Variants in MAP3K19 observed in about 807,000 individuals in gnomAD.
The protein encoded by MAP3K19 is SPS1/STE20-related protein kinase YSK4.
In MAP3K19, 91 loss-of-function variants were observed where a neutral mutation model predicts 114.4. The observed-to-expected ratio is 0.80, with a 90% confidence interval of 0.67 to 0.95. The LOEUF is 0.95. Ranked by LOEUF, MAP3K19 falls within the 40% of genes least tolerant of loss-of-function variation. The pLI is 0.00. For synonymous variants in MAP3K19, 518 were observed against 530.5 expected (o/e 0.98, Z 0.32); for missense variants, 1,471 against 1,573.2 (o/e 0.94, Z 1.10).
intron 11 of MAP3K19, chr2:134,983,190 C>T (rs1333059931): frequency 1.9e-5 from 10 of 532,896 alleles, no homozygotes; most frequent in Non-Finnish European, 1.2e-5. Flanking sequence ...CTCTCTTCAT[C>T]GCCCACCCCC....
chr2:134,981,482 C>G lies in MAP3K19; in HGVS notation c.3259G>C (p.Ala1087Pro). 1 of 1,614,162 alleles carries G rather than the reference C, an allele frequency of 6.2e-7. No homozygotes were observed. ...GTATCCAAAGCCACCTGTTTTACAG[C>G]TATTAGCTGTCCTTGACTAGTGAGA... Reference protein sequence around the residue: ...CGLTSQGQLIAVKQVALDTSN... With the variant: ...CGLTSQGQLIPVKQVALDTSN... Residue 1087 changes from alanine (A) to proline (P), a missense_variant, in exon 12 of 13, where the codon GCT (alanine) becomes CCT (proline). Physicochemically the swap from Ala to Pro is conservative, Grantham distance 27. Transcript: ENST00000392915.
intron 12 of MAP3K19, among the ~76,000 whole-genome samples, chr2:134,977,166 A>G (rs926379137): frequency 6.7e-6 from 1 of 148,742 alleles, no homozygotes; most frequent in African/African-American, 2.5e-5. Flanking sequence ...ATTTCTAGCT[A>G]CCACCGCTCC....
chr2:134,967,380 T>G (rs557986068), intron 12 of MAP3K19, among the ~76,000 whole-genome samples: 14 of 152,222 alleles, frequency 9.2e-5, no homozygotes, highest in East Asian at 1.9e-4. Flanking sequence ...AAAGAGGAAA[T>G]CCTCTTGCAG....
rs1401858537 is a variant in MAP3K19 at position 134,968,478 on chromosome 2, C to T, written c.3921-3562G>A. Among the ~76,000 whole-genome samples the T allele has an allele frequency of 4.1e-5, 6 of 145,760 alleles. No homozygotes were observed. The East Asian group carries it at 1.0e-3, about 25-fold the overall frequency. ...TCACCTCCCGGATGGGGTGGCTGGC[C>T]GGGCGGGGGGCTGACCCCCCACCTC... On this transcript the variant is annotated intron_variant, in intron 12 of 12. Coordinates refer to ENST00000392915, the MANE Select transcript of MAP3K19 (RefSeq NM_025052.5).
At chr2:135,038,319 A>ATATG in intron 2 of MAP3K19, among the ~76,000 whole-genome samples, 1 of 151,948 alleles carries the variant, frequency 6.6e-6, no homozygotes, top group South Asian at 2.1e-4. Flanking sequence ...ATGTATGTAT[A>ATATG]TATGTATGTA....
chr2:134,993,991 C>G (rs1285925689), intron 8 of MAP3K19, among the ~76,000 whole-genome samples: 2 of 152,124 alleles, frequency 1.3e-5, no homozygotes, highest in East Asian at 3.9e-4. Flanking sequence ...GCATGGGCAA[C>G]AGAGCGAGAC....
intron 3 of MAP3K19, among the ~76,000 whole-genome samples, chr2:135,027,401 GAAAGAAAGA>G (rs1338768216): frequency 7.3e-6 from 1 of 136,976 alleles, no homozygotes; most frequent in African/African-American, 2.6e-5. Context: ...AGAAAGAAAA[GAAAGAAAGA>G]AAAGGATGGG....
At chr2:135,034,685 G>A (rs1487980613) in intron 2 of MAP3K19, among the ~76,000 whole-genome samples, 3 of 142,578 alleles carry the variant, frequency 2.1e-5, no homozygotes, top group Non-Finnish European at 4.6e-5. Flanking sequence ...GCGCGCTACA[G>A]GCACTCGGCA....
At chr2:134,997,214 T>C (rs969001098) in intron 8 of MAP3K19, among the ~76,000 whole-genome samples, 3 of 152,246 alleles carry the variant, frequency 2.0e-5, no homozygotes, top group Non-Finnish European at 4.4e-5. Context: ...TTCACCATTA[T>C]GCCAAATGAA....
intron 6 of MAP3K19, among the ~76,000 whole-genome samples, chr2:135,004,332 G>A (rs1009800106): frequency 3.9e-5 from 6 of 152,170 alleles, no homozygotes; most frequent in Admixed American, 3.3e-4. Context: ...CAGGCTTAAT[G>A]GTTTTCATAA....
chr2:135,015,878 C>A lies in MAP3K19; in HGVS notation c.138+5837G>T, dbSNP rs1377004660. Among the ~76,000 whole-genome samples, 4 of 150,812 alleles carry A rather than the reference C, an allele frequency of 2.7e-5. No homozygotes were observed. In the South Asian group the frequency reaches 8.4e-4, roughly 31 times the overall value. On this transcript the variant is annotated intron_variant, in intron 5 of 12. Coordinates refer to ENST00000392915, the MANE Select transcript of MAP3K19 (RefSeq NM_025052.5). The stretch of plus-strand genomic sequence containing the variant: ...ACAGCACTCTAGCCTGGCAACAGAG[C>A]GAGCCTCCATCTCAAAAAAAAAAAA...
At chr2:135,046,169 T>C (rs1198718461) in intron 1 of MAP3K19, among the ~76,000 whole-genome samples, 1 of 152,206 alleles carries the variant, frequency 6.6e-6, no homozygotes, top group Non-Finnish European at 1.5e-5. Flanking sequence ...ACAGTGCTTT[T>C]TATTATTGAG....
rs562480664 is a variant in MAP3K19 at position 135,026,554 on chromosome 2, C to CA, written c.-94-1814dup. Among the ~76,000 whole-genome samples, 11 of 151,808 alleles carry CA rather than the reference C, an allele frequency of 7.2e-5. No homozygotes were observed. In the South Asian group the frequency reaches 2.3e-3, roughly 32 times the overall value. ...TGAAGTACTGAGAAAGAGCTCAGGCCATCTGTTCTTATTTGATGACAAGAT... is the reference window on the plus strand; with the variant it reads ...TGAAGTACTGAGAAAGAGCTCAGGCCAATCTGTTCTTATTTGATGACAAGAT... On this transcript the variant is annotated intron_variant, in intron 3 of 12. Transcript: ENST00000392915.
intron 12 of MAP3K19, among the ~76,000 whole-genome samples, chr2:134,970,489 A>C (rs36101705): frequency 0.23 from 34,950 of 151,978 alleles, 4,364 homozygotes; most frequent in Middle Eastern, 0.6. Context: ...ATCTTTACTG[A>C]ATCGATCTAA....
At chr2:134,991,612 TTAG>T (rs1380766599) in intron 8 of MAP3K19, 32 bp from the exon 9 acceptor site, 4 of 1,577,322 alleles carry the variant, frequency 2.5e-6, no homozygotes, top group Non-Finnish European at 3.5e-6. Flanking sequence ...CTGGATATTC[TTAG>T]TAGTAGAAAG....
chr2:134,985,778 C>G, intron 10 of MAP3K19, 22 bp downstream of exon 10: 1 of 1,560,982 alleles, frequency 6.4e-7, no homozygotes, highest in Non-Finnish European at 8.6e-7. Flanking sequence ...CCCAATGAAT[C>G]TTGGATTCTA....
chr2:135,031,901 C>T (rs556446915), intron 2 of MAP3K19, among the ~76,000 whole-genome samples: 8 of 152,136 alleles, frequency 5.3e-5, no homozygotes, highest in East Asian at 1.9e-4. Flanking sequence ...TGTACTGCCA[C>T]GGCAGACCAG....
At chr2:134,968,758 C>T (rs1489485937) in intron 12 of MAP3K19, among the ~76,000 whole-genome samples, 15 of 151,202 alleles carry the variant, frequency 9.9e-5, no homozygotes, top group African/African-American at 2.7e-4. Flanking sequence ...GATGGGCGGC[C>T]GGGCAGAGAC....
At position 134,981,224 on chromosome 2, in the gene MAP3K19, C is replaced by T; in HGVS notation, c.3517G>A (p.Gly1173Ser). 6.2e-7 allele frequency: 1 copy of T among 1,614,188 alleles called. No individual in the cohort carries two copies. The highest frequency in any genetic ancestry group is 1.3e-5 in the African/African-American group (1 of 75,050). ...FCKYTKQILQGVAYLHENCVV... is the reference protein window; with the variant it reads ...FCKYTKQILQSVAYLHENCVV... Reference sequence around the variant, plus strand: ...CAGTTCTCATGGAGATAAGCAACACCTTGAAGTATTTGTTTCGTATATTTA... The same window carrying T: ...CAGTTCTCATGGAGATAAGCAACACTTTGAAGTATTTGTTTCGTATATTTA... Residue 1173 changes from glycine (G) to serine (S), a missense_variant, in exon 12 of 13, where the codon GGT (glycine) becomes AGT (serine). Coordinates refer to ENST00000392915, the MANE Select transcript of MAP3K19 (RefSeq NM_025052.5).
Sources: allele counts gnomAD v4.1 joint callset (sites outside exome capture counted in the v4.1 genomes callset), GRCh38; gene constraint gnomAD v4.1.1; transcripts MANE v1.5; gene names NCBI Gene and HGNC (gene_info 2026-07-23, HGNC 2026-07-21).